CAMKK2: variants seen among roughly 807,000 people sequenced by gnomAD.
CAMKK2 encodes the protein calcium/calmodulin dependent protein kinase kinase 2.
In CAMKK2, 30 loss-of-function variants were observed where a neutral mutation model predicts 67.2. The observed-to-expected ratio is 0.45, with a 90% CI of 0.33 to 0.61. The LOEUF (loss-of-function observed/expected upper bound fraction) is 0.61. Among genes scored for constraint, CAMKK2 ranks in the 20% least tolerant of loss-of-function variants. CAMKK2 has a pLI of 0.02. For missense variants in CAMKK2, 643 were observed against 802.0 expected (o/e 0.80, Z 2.39); for synonymous variants, 322 against 326.2 (o/e 0.99, Z 0.14).
chr12:121,247,300 A>G (rs1331977720), intron 14 of CAMKK2, among the ~76,000 whole-genome samples: 1 of 152,074 alleles, frequency 6.6e-6, no homozygotes, highest in East Asian at 1.9e-4. Flanking sequence ...GGCAGAGGCC[A>G]TGGGGGTTTT....
upstream of CAMKK2, chr12:121,297,148 G>T: frequency 6.5e-6 from 1 of 154,280 alleles, no homozygotes; most frequent in Non-Finnish European, 1.4e-5. Flanking sequence ...CCCTCGGGCG[G>T]GCCGCGCCGG....
intron 13 of CAMKK2, 122 bp downstream of exon 13, chr12:121,249,665 G>T: frequency 1.2e-6 from 1 of 840,226 alleles, no homozygotes; most frequent in Non-Finnish European, 2.0e-6. Context: ...AGGCCCTGGG[G>T]CATAGGAGAA....
chr12:121,279,301 A>T lies in CAMKK2; in HGVS notation c.-59-4716T>A, dbSNP rs1214498148. Among the ~76,000 whole-genome samples the T allele has an allele frequency of 2.6e-5, 4 of 152,194 alleles. No individual in the cohort carries two copies. In the East Asian group the frequency reaches 7.7e-4, roughly 29 times the overall value. ...GGGCAAGCGTGAAACCCCAGAGCTC[A>T]GCAGAGAGGAGCCCCAGGGACGCAG... On this transcript the variant is annotated intron_variant, in intron 1 of 16. Coordinates refer to ENST00000404169, the MANE Select transcript of CAMKK2 (RefSeq NM_001270485.2).
At chr12:121,249,739 C>G (rs1242646567) in intron 13 of CAMKK2, 48 bp downstream of exon 13, 3 of 1,525,486 alleles carry the variant, frequency 2.0e-6, no homozygotes, top group African/African-American at 2.7e-5. Flanking sequence ...TGAGGCATGG[C>G]TGAGCCAAAC....
intron 7 of CAMKK2, among the ~76,000 whole-genome samples, chr12:121,259,232 GC>G (rs1253835512): frequency 6.6e-6 from 1 of 152,142 alleles, no homozygotes; most frequent in African/African-American, 2.4e-5. Flanking sequence ...TCCCTGGGGA[GC>G]CACTGTATTT....
At chr12:121,244,479 T>C (rs1889011530) in intron 16 of CAMKK2, 94 bp downstream of exon 16, 11 of 1,211,018 alleles carry the variant, frequency 9.1e-6, no homozygotes, top group Non-Finnish European at 1.2e-6. Flanking sequence ...GGAAGGAGCA[T>C]CTGCCCGGGT....
chr12:121,279,575 G>T (rs944471217), intron 1 of CAMKK2, among the ~76,000 whole-genome samples: 1 of 152,242 alleles, frequency 6.6e-6, no homozygotes, highest in Non-Finnish European at 1.5e-5. Flanking sequence ...AACCCTCACA[G>T]GACCAGGCCC....
upstream of CAMKK2, chr12:121,297,817 C>A (rs987993470): frequency 1.8e-5 from 8 of 438,436 alleles, no homozygotes; most frequent in African/African-American, 1.2e-4. Context: ...CGTAGGGACA[C>A]TCACATGCAA....
chr12:121,257,254 T>C (rs1323241278), intron 7 of CAMKK2, among the ~76,000 whole-genome samples: 2 of 151,890 alleles, frequency 1.3e-5, no homozygotes, highest in Non-Finnish European at 2.9e-5. Flanking sequence ...AAAAACTTTT[T>C]TTTTTTTTTT....
chr12:121,250,442 C>T (rs1376622921), intron 11 of CAMKK2, among the ~76,000 whole-genome samples: 1 of 152,180 alleles, frequency 6.6e-6, no homozygotes, highest in African/African-American at 2.4e-5. Flanking sequence ...TAGCCTGGAT[C>T]GCGCCACGCC....
At chr12:121,255,465 G>T in intron 9 of CAMKK2, 85 bp downstream of exon 9, 1 of 1,147,624 alleles carries the variant, frequency 8.7e-7, no homozygotes, top group Non-Finnish European at 1.2e-6. Flanking sequence ...GCTCCAGGAA[G>T]AAAATAAGAC....
In CAMKK2 at chr12:121,285,827, T is replaced by C. The variant is rs1898639845; in HGVS notation, c.-60+10811A>G. ...ACCCTGTCTCAAAAAAGAGAGTAGA[T>C]GTGTGACCCAAGTCAGTCTATTGGG... On this transcript the variant is annotated intron_variant, in intron 1 of 16. Coordinates refer to ENST00000404169, the MANE Select transcript of CAMKK2 (RefSeq NM_001270485.2). The surrounding 1 kb of genome is among the most constrained non-coding windows in gnomAD (Gnocchi z 4.1). 1.3e-5 allele frequency among the ~76,000 whole-genome samples: 2 copies of C among 152,108 alleles called. No homozygotes were observed. Among genetic ancestry groups the C allele is most frequent in the East Asian group, 3.9e-4 (2 of 5,160 alleles).
intron 1 of CAMKK2, among the ~76,000 whole-genome samples, chr12:121,280,189 G>A (rs1566122992): frequency 6.6e-6 from 1 of 152,210 alleles, no homozygotes. Context: ...GGATTGTGAA[G>A]ATTTTATGGA....
intron 1 of CAMKK2, among the ~76,000 whole-genome samples, chr12:121,292,511 C>A (rs1246792881): frequency 6.6e-6 from 1 of 152,140 alleles, no homozygotes; most frequent in African/African-American, 2.4e-5. Flanking sequence ...GAAAGAAGAT[C>A]GGTTTCAAAA....
chr12:121,252,810 C>T (rs1336271553), intron 10 of CAMKK2, 96 bp from the exon 11 acceptor site: 4 of 1,275,706 alleles, frequency 3.1e-6, no homozygotes, highest in East Asian at 2.4e-5. Flanking sequence ...ACTTTCAGCC[C>T]TTGGAGTTGG....
chr12:121,242,972 G>A (rs976560486), intron 16 of CAMKK2, among the ~76,000 whole-genome samples: 56 of 152,010 alleles, frequency 3.7e-4, no homozygotes, highest in Non-Finnish European at 6.2e-4. Flanking sequence ...TCGATCTCCT[G>A]ACCTCGTCAT....
chr12:121,240,645 A>C lies in CAMKK2; in HGVS notation c.*54T>G. The C allele has an allele frequency of 1.3e-6, 2 of 1,542,728 alleles. No homozygotes were observed. Among genetic ancestry groups the C allele is most frequent in the East Asian group, 4.8e-5 (2 of 41,286 alleles). ...ACATGCTGCTATGGAAACGCGGTGC[A>C]GCAGCCCCCCAGAGGCGACGCGGCG... On this transcript the variant is annotated 3_prime_UTR_variant, in exon 17 of 17. Coordinates refer to ENST00000404169, the MANE Select transcript of CAMKK2 (RefSeq NM_001270485.2). This position sits in a 1 kb window ranked among gnomAD's most constrained non-coding sequence, Gnocchi z 4.4.
intron 1 of CAMKK2, among the ~76,000 whole-genome samples, chr12:121,290,077 C>G (rs901083077): frequency 6.6e-6 from 1 of 152,120 alleles, no homozygotes; most frequent in Non-Finnish European, 1.5e-5. Context: ...ATGGCAGTCC[C>G]TAGTACACAG....
intron 1 of CAMKK2, among the ~76,000 whole-genome samples, chr12:121,292,671 G>T (rs1900293875): frequency 6.6e-6 from 1 of 152,124 alleles, no homozygotes; most frequent in Non-Finnish European, 1.5e-5. Flanking sequence ...GCAAAACATG[G>T]AAGAAAAATA....
Sources: allele counts gnomAD v4.1 joint callset (sites outside exome capture counted in the v4.1 genomes callset), GRCh38; gene constraint gnomAD v4.1.1; non-coding constraint Gnocchi (gnomAD v3.1); transcripts MANE v1.5; gene names NCBI Gene and HGNC (gene_info 2026-07-23, HGNC 2026-07-21).